NCAM1: variants seen among roughly 807,000 people sequenced by gnomAD.
NCAM1 encodes antigen recognized by monoclonal antibody 5.1H11.
NCAM1 carries 14 observed loss-of-function variants against 109.8 expected under a neutral mutation model. That is an observed-to-expected ratio of 0.13 (90% confidence interval 0.08 to 0.20). The LOEUF (loss-of-function observed/expected upper bound fraction) is 0.20. NCAM1 is among the 10% of genes least tolerant of loss of function. The pLI is 1.00. For synonymous variants in NCAM1, 418 were observed against 442.9 expected (o/e 0.94, Z 0.70); for missense variants, 774 against 1,109.9 (o/e 0.70, Z 4.30).
At chr11:113,030,214 A>G (rs1952673502) in intron 1 of NCAM1, among the ~76,000 whole-genome samples, 2 of 152,204 alleles carry the variant, frequency 1.3e-5, no homozygotes, top group African/African-American at 4.8e-5. Context: ...AGCTAACCCA[A>G]TGCCTGGATT....
At chr11:113,262,220 C>A (rs1361898777) in intron 17 of NCAM1, among the ~76,000 whole-genome samples, 2 of 152,180 alleles carry the variant, frequency 1.3e-5, no homozygotes, top group African/African-American at 4.8e-5. Flanking sequence ...CCTTTAACAG[C>A]ACTGTGGTGT....
intron 14 of NCAM1, among the ~76,000 whole-genome samples, chr11:113,237,741 A>G (rs1299705197): frequency 1.3e-5 from 2 of 152,144 alleles, no homozygotes; most frequent in African/African-American, 4.8e-5. Context: ...CCCCCCTCTG[A>G]GTTTCTAACC....
chr11:113,084,597 T>C (rs1046407768), intron 1 of NCAM1, among the ~76,000 whole-genome samples: 1 of 152,210 alleles, frequency 6.6e-6, no homozygotes, highest in Non-Finnish European at 1.5e-5. Context: ...TGGGTTCTTA[T>C]GTACCATGAA....
intron 15 of NCAM1, among the ~76,000 whole-genome samples, chr11:113,249,720 T>C (rs1167777642): frequency 6.6e-6 from 1 of 152,228 alleles, no homozygotes; most frequent in African/African-American, 2.4e-5. Flanking sequence ...TTTAGGATGA[T>C]GAAACAAAGA....
intron 1 of NCAM1, among the ~76,000 whole-genome samples, chr11:113,135,763 G>C (rs781786519): frequency 6.6e-6 from 1 of 152,170 alleles, no homozygotes; most frequent in African/African-American, 2.4e-5. Context: ...TCCACTTACC[G>C]ATTAGACTGT....
At chr11:113,264,560 G>T (rs777506545) in intron 17 of NCAM1, 81 of 985,442 alleles carry the variant, frequency 8.2e-5, no homozygotes, top group Non-Finnish European at 9.5e-5. Flanking sequence ...CAGTGTGGGA[G>T]AGCTACTGGC....
chr11:113,264,206 C>T, intron 17 of NCAM1: 1 of 985,104 alleles, frequency 1.0e-6, no homozygotes, highest in Non-Finnish European at 1.2e-6. Context: ...TCCATGGAAG[C>T]TTGATTTTTG....
intron 1 of NCAM1, among the ~76,000 whole-genome samples, chr11:113,017,938 A>G (rs1952259213): frequency 6.6e-6 from 1 of 152,202 alleles, no homozygotes; most frequent in Non-Finnish European, 1.5e-5. Flanking sequence ...CCAACAAACA[A>G]TTATAAAATA....
intron 5 of NCAM1, among the ~76,000 whole-genome samples, chr11:113,206,510 CT>C (rs1171509564): frequency 2.0e-5 from 3 of 152,058 alleles, no homozygotes; most frequent in Non-Finnish European, 1.5e-5. Context: ...AGTTATTCCG[CT>C]GCTTAAATGT....
chr11:113,067,373 C>G (rs2135533802), intron 1 of NCAM1, among the ~76,000 whole-genome samples: 1 of 152,290 alleles, frequency 6.6e-6, no homozygotes, highest in South Asian at 2.1e-4. Context: ...TGTGGCAAGA[C>G]TGGAAAACCA....
chr11:113,095,257 G>A (rs1430372353), intron 1 of NCAM1, among the ~76,000 whole-genome samples: 1 of 152,022 alleles, frequency 6.6e-6, no homozygotes, highest in African/African-American at 2.4e-5. Flanking sequence ...AACAAATGAC[G>A]ACATTCTCAG....
intron 19 of NCAM1, chr11:113,272,941 C>T (rs1555125775): frequency 2.2e-6 from 1 of 456,828 alleles, no homozygotes; most frequent in Admixed American, 2.3e-5. Flanking sequence ...AGGCTGCCTG[C>T]CGACACTACG....
At position 113,082,658 on chromosome 11, in the gene NCAM1, G is replaced by A. The variant is rs76667770; in HGVS notation, c.53-119721G>A. On this transcript the variant is annotated intron_variant, in intron 1 of 19. Transcript: ENST00000316851. ...GAAACCTTTTATAAAAACAACAAAG[G>A]CAAGAAGGGTCTGGACGCTCTGAGC... Among the ~76,000 whole-genome samples the A allele has an allele frequency of 4.7e-3, 710 of 152,280 alleles. 8 individuals are homozygous for A. The highest frequency in any genetic ancestry group is 0.016 in the African/African-American group (667 of 41,556).
chr11:113,207,815 C>G lies in NCAM1; in HGVS notation c.747-18C>G, dbSNP rs759560923. ...CTGTGGTCGAAATCATGCTACTTTGCATTTCTACATGCTCTAGGGATGGGG... is the reference window on the plus strand; with the variant it reads ...CTGTGGTCGAAATCATGCTACTTTGGATTTCTACATGCTCTAGGGATGGGG... On this transcript the variant is annotated intron_variant, in intron 6 of 19. Coordinates refer to ENST00000316851, the MANE Select transcript of NCAM1 (RefSeq NM_181351.5). 1.3e-6 allele frequency: 2 copies of G among 1,599,628 alleles called. No individual in the cohort carries two copies. Among genetic ancestry groups the G allele is most frequent in the South Asian group, 2.3e-5 (2 of 88,706 alleles).
intron 1 of NCAM1, among the ~76,000 whole-genome samples, chr11:113,025,493 G>A (rs1555077025): frequency 6.6e-6 from 1 of 151,946 alleles, no homozygotes; most frequent in Non-Finnish European, 1.5e-5. Context: ...TGGTGTAAAC[G>A]TAAAAGAGTG....
At chr11:113,237,665 G>C (rs12785741) in intron 14 of NCAM1, among the ~76,000 whole-genome samples, 34,280 of 152,082 alleles carry the variant, frequency 0.23, 4,891 homozygotes, top group Middle Eastern at 0.35. Context: ...GTTTCCTCTG[G>C]TCTGGATTTG....
At chr11:113,172,478 A>T (rs950946724) in intron 1 of NCAM1, among the ~76,000 whole-genome samples, 1 of 152,144 alleles carries the variant, frequency 6.6e-6, no homozygotes, top group Non-Finnish European at 1.5e-5. Context: ...CCTTGGCTGG[A>T]TGTCAGGATA....
At chr11:113,048,415 C>T (rs781974645) in intron 1 of NCAM1, among the ~76,000 whole-genome samples, 16 of 152,146 alleles carry the variant, frequency 1.1e-4, no homozygotes, top group South Asian at 4.1e-4. Context: ...CCGTAGAATT[C>T]GTGCACACTT....
chr11:113,215,130 T>C (rs539582423), intron 8 of NCAM1, among the ~76,000 whole-genome samples: 4 of 152,288 alleles, frequency 2.6e-5, no homozygotes, highest in African/African-American at 9.6e-5. Context: ...GCAACCTTCC[T>C]GGCAAATTAA....
Sources: gnomAD v4.1 joint callset for allele counts (sites outside exome capture counted in the v4.1 genomes callset) on GRCh38, gnomAD v4.1.1 for gene constraint, MANE v1.5 for transcripts, NCBI Gene and HGNC (gene_info 2026-07-23, HGNC 2026-07-21) for gene names.